The following DNM3 variants were observed in gnomAD, a reference collection of about 807,000 sequenced individuals.
DNM3 encodes dynamin 3, also known as dynamin-3.
A neutral mutation model predicts 101.6 loss-of-function variants in DNM3; 47 were observed. That is an observed-to-expected ratio of 0.46 (90% confidence interval 0.37 to 0.59). DNM3 has a LOEUF of 0.59. Among genes scored for constraint, DNM3 ranks in the 20% least tolerant of loss-of-function variants. The probability of loss-of-function intolerance (pLI) is 0.00; values close to 1 mark genes in which losing one functional copy is unlikely to be tolerated. For synonymous variants in DNM3, 385 were observed against 387.9 expected (o/e 0.99, Z 0.09); for missense variants, 849 against 1,085.7 (o/e 0.78, Z 3.06).
intron 14 of DNM3, among the ~76,000 whole-genome samples, chr1:172,229,393 CA>C (rs1482987639): frequency 2.0e-5 from 3 of 152,098 alleles, no homozygotes; most frequent in African/African-American, 7.2e-5. Flanking sequence ...AACTCACAAT[CA>C]AATGGCAATT....
At chr1:171,868,737 A>C (rs2034997550) in intron 1 of DNM3, among the ~76,000 whole-genome samples, 1 of 151,984 alleles carries the variant, frequency 6.6e-6, no homozygotes, top group South Asian at 2.1e-4. Context: ...TTGATTGAGC[A>C]GTTGTGGTGT....
chr1:171,981,967 T>C (rs2044835329), intron 2 of DNM3, among the ~76,000 whole-genome samples: 1 of 152,220 alleles, frequency 6.6e-6, no homozygotes, highest in Non-Finnish European at 1.5e-5. Flanking sequence ...CACTGACTAC[T>C]CACATTGATG....
chr1:172,223,479 G>C (rs966423810), intron 14 of DNM3, among the ~76,000 whole-genome samples: 2 of 151,856 alleles, frequency 1.3e-5, no homozygotes, highest in Non-Finnish European at 2.9e-5. Context: ...TTTTCTCTGA[G>C]AGCATCATAT....
At chr1:172,199,272 T>G (rs1225922922) in intron 14 of DNM3, among the ~76,000 whole-genome samples, 1 of 151,848 alleles carries the variant, frequency 6.6e-6, no homozygotes, top group Admixed American at 6.6e-5. Context: ...GGTTCAAGGT[T>G]GTGTTTAGTA....
At chr1:172,007,036 C>CCATA (rs1184558877) in intron 4 of DNM3, among the ~76,000 whole-genome samples, 1 of 151,992 alleles carries the variant, frequency 6.6e-6, no homozygotes, top group African/African-American at 2.4e-5. Flanking sequence ...TGTGAATATA[C>CCATA]CATATTCTGT....
At chr1:172,018,462 G>A (rs953146453) in intron 4 of DNM3, among the ~76,000 whole-genome samples, 4 of 151,942 alleles carry the variant, frequency 2.6e-5, no homozygotes, top group African/African-American at 4.8e-5. Flanking sequence ...TACACTCCCC[G>A]ACTTATGATT....
chr1:171,936,084 C>T (rs1305973349), intron 2 of DNM3, among the ~76,000 whole-genome samples: 3 of 151,498 alleles, frequency 2.0e-5, no homozygotes, highest in African/African-American at 7.3e-5. Flanking sequence ...AGGCTGGGAG[C>T]GATGGGTCAT....
intron 15 of DNM3, among the ~76,000 whole-genome samples, chr1:172,302,023 G>A (rs769683840): frequency 8.2e-4 from 125 of 152,276 alleles, no homozygotes; most frequent in Admixed American, 1.9e-3. Context: ...ATCTCACTGC[G>A]ACCAGTTGGA....
intron 2 of DNM3, among the ~76,000 whole-genome samples, chr1:171,935,112 T>C (rs2041306838): frequency 6.6e-6 from 1 of 152,070 alleles, no homozygotes; most frequent in African/African-American, 2.4e-5. Flanking sequence ...TTGCAGAATA[T>C]ATTGTATATT....
intron 12 of DNM3, among the ~76,000 whole-genome samples, chr1:172,092,351 T>C (rs1261499041): frequency 6.6e-6 from 1 of 152,194 alleles, no homozygotes; most frequent in Non-Finnish European, 1.5e-5. Context: ...CTACCACTTA[T>C]TAGCTGAGTG....
At chr1:171,972,717 C>T (rs2044089814) in intron 2 of DNM3, among the ~76,000 whole-genome samples, 1 of 152,108 alleles carries the variant, frequency 6.6e-6, no homozygotes, top group South Asian at 2.1e-4. Context: ...GGCGTGGTGG[C>T]GCATGCCTCT....
At chr1:172,094,212 T>G (rs906028825) in intron 13 of DNM3, among the ~76,000 whole-genome samples, 1 of 152,156 alleles carries the variant, frequency 6.6e-6, no homozygotes, top group African/African-American at 2.4e-5. Context: ...TACCAATTAT[T>G]TGCATTTATT....
chr1:171,841,592 C>T lies in DNM3; in HGVS notation c.-65C>T. The T allele has an allele frequency of 6.4e-7, 1 of 1,556,024 alleles. No individual in the cohort carries two copies. The highest frequency in any genetic ancestry group is 8.7e-7 in the Non-Finnish European group (1 of 1,154,170). Reference sequence around the variant, plus strand: ...AGCAGCAGCAGCCAGGGCAGCGCGGCCCCTACTCCCTGTCAGGTCGTAGAG... The same window carrying T: ...AGCAGCAGCAGCCAGGGCAGCGCGGTCCCTACTCCCTGTCAGGTCGTAGAG... On this transcript the variant is annotated 5_prime_UTR_variant, in exon 1 of 21. Transcript: ENST00000627582.
intron 17 of DNM3, among the ~76,000 whole-genome samples, chr1:172,359,361 A>G (rs1407635386): frequency 3.3e-5 from 5 of 151,692 alleles, no homozygotes; most frequent in East Asian, 3.9e-4. Context: ...TTTTTTTTAG[A>G]TTCCTCAATC....
At chr1:172,273,649 C>A (rs2148757402) in intron 15 of DNM3, among the ~76,000 whole-genome samples, 1 of 152,218 alleles carries the variant, frequency 6.6e-6, no homozygotes, top group Non-Finnish European at 1.5e-5. Context: ...TACTCTCTTT[C>A]AAATTTCTAG....
chr1:172,323,372 T>C (rs1573469147), intron 17 of DNM3, 32 bp downstream of exon 17: 1 of 1,601,272 alleles, frequency 6.2e-7, no homozygotes, highest in Admixed American at 1.7e-5. Flanking sequence ...AGCTCTTCTG[T>C]CCCCCCAGCC....
intron 1 of DNM3, among the ~76,000 whole-genome samples, chr1:171,901,822 TG>T (rs2038382782): frequency 1.3e-5 from 2 of 152,208 alleles, no homozygotes; most frequent in Admixed American, 1.3e-4. Context: ...AATAAAATTT[TG>T]GCAATTAAAG....
At chr1:171,920,678 G>A (rs2040087211) in intron 1 of DNM3, among the ~76,000 whole-genome samples, 1 of 152,114 alleles carries the variant, frequency 6.6e-6, no homozygotes, top group Non-Finnish European at 1.5e-5. Context: ...TGAATTCTTC[G>A]ACATTGCAGA....
intron 14 of DNM3, 77 bp from the exon 15 acceptor site, chr1:172,253,495 CT>C: frequency 1.5e-5 from 1 of 67,694 alleles, no homozygotes; most frequent in Non-Finnish European, 2.5e-5. Flanking sequence ...TCTGTCTCTC[CT>C]CTCCTCTCCT....
Sources: gnomAD v4.1 joint callset for allele counts (sites outside exome capture counted in the v4.1 genomes callset) on GRCh38, gnomAD v4.1.1 for gene constraint, MANE v1.5 for transcripts, NCBI Gene and HGNC (gene_info 2026-07-23, HGNC 2026-07-21) for gene names.